The following KCNG3 variants were observed in gnomAD, a reference collection of about 807,000 sequenced individuals.
KCNG3 encodes the protein potassium voltage-gated channel modifier subfamily G member 3, also known as voltage-gated potassium channel regulatory subunit KCNG3.
KCNG3 carries 15 observed loss-of-function variants against 29.0 expected under a neutral mutation model. The observed-to-expected ratio is 0.52, with a 90% CI of 0.35 to 0.80. KCNG3 has a LOEUF of 0.80. KCNG3 is among the 30% of genes least tolerant of loss of function. The probability of loss-of-function intolerance (pLI) is 0.01; values close to 1 mark genes in which losing one functional copy is unlikely to be tolerated. For synonymous variants in KCNG3, 322 were observed against 248.9 expected (o/e 1.29, Z -2.76); for missense variants, 512 against 605.7 (o/e 0.85, Z 1.62).
At chr2:42,455,424 A>ATTAAAAT (rs1173980284) in intron 1 of KCNG3, among the ~76,000 whole-genome samples, 2 of 152,250 alleles carry the variant, frequency 1.3e-5, no homozygotes, top group African/African-American at 4.8e-5. Context: ...ACAGAACCTG[A>ATTAAAAT]TTAAAATTTA....
intron 1 of KCNG3, among the ~76,000 whole-genome samples, chr2:42,445,060 C>T (rs551409430): frequency 4.8e-4 from 63 of 131,908 alleles, no homozygotes; most frequent in African/African-American, 1.7e-3. Context: ...GAAAGAGACC[C>T]TGTCTCAAAA....
At chr2:42,410,983 G>T in the KCNG3 span, among the ~76,000 whole-genome samples, 1 of 152,022 alleles carries the variant, frequency 6.6e-6, no homozygotes. Flanking sequence ...TATGCTTTGC[G>T]GGTGCCAATT....
At chr2:42,477,676 C>T (rs187345254) in intron 1 of KCNG3, among the ~76,000 whole-genome samples, 14 of 151,732 alleles carry the variant, frequency 9.2e-5, no homozygotes, top group Admixed American at 5.3e-4. Context: ...GTCAGGAGTT[C>T]GAGACTAGCC....
intron 1 of KCNG3, among the ~76,000 whole-genome samples, chr2:42,484,854 G>C (rs1408785255): frequency 2.6e-5 from 4 of 152,178 alleles, no homozygotes; most frequent in Admixed American, 2.6e-4. Context: ...AAAAGAAACA[G>C]TCTACTGTGA....
the KCNG3 span, among the ~76,000 whole-genome samples, chr2:42,418,340 A>G: frequency 6.6e-6 from 1 of 152,160 alleles, no homozygotes; most frequent in African/African-American, 2.4e-5. Context: ...TTATCCATTC[A>G]TCTGTTTATG....
the KCNG3 span, among the ~76,000 whole-genome samples, chr2:42,420,725 G>A: frequency 1.3e-5 from 2 of 152,134 alleles, no homozygotes; most frequent in African/African-American, 4.8e-5. Context: ...AGGAGGCGGA[G>A]GTTGCAGTGA....
the KCNG3 span, among the ~76,000 whole-genome samples, chr2:42,419,799 C>A: frequency 6.6e-6 from 1 of 152,334 alleles, no homozygotes; most frequent in South Asian, 2.1e-4. Flanking sequence ...AATGAGGAGA[C>A]AACAGGTCAT....
chr2:42,472,323 C>T (rs1673310097), intron 1 of KCNG3, among the ~76,000 whole-genome samples: 1 of 152,156 alleles, frequency 6.6e-6, no homozygotes, highest in South Asian at 2.1e-4. Flanking sequence ...CTCTGGACTC[C>T]ATTGATTATA....
At chr2:42,469,941 A>C in intron 1 of KCNG3, 1 of 348,084 alleles carries the variant, frequency 2.9e-6, no homozygotes, top group Non-Finnish European at 5.3e-6. Context: ...CTGGCCAACA[A>C]GGCCTGACTC....
At chr2:42,426,645 CATATT>C in the KCNG3 span, among the ~76,000 whole-genome samples, 1 of 152,186 alleles carries the variant, frequency 6.6e-6, no homozygotes, top group Non-Finnish European at 1.5e-5. Flanking sequence ...ACAACACACA[CATATT>C]ATTTTTTTCC....
chr2:42,482,481 TTGGGAGGCCAAGG>T (rs1389525064), intron 1 of KCNG3, among the ~76,000 whole-genome samples: 1 of 152,082 alleles, frequency 6.6e-6, no homozygotes, highest in Non-Finnish European at 1.5e-5. Context: ...TCCCAGCACT[TTGGGAGGCCAAGG>T]TGGGTGGATC....
At chr2:42,492,180 A>G (rs1673895961) in intron 1 of KCNG3, among the ~76,000 whole-genome samples, 1 of 152,204 alleles carries the variant, frequency 6.6e-6, no homozygotes, top group Non-Finnish European at 1.5e-5. Context: ...CCCTTCCCAT[A>G]TCATAGACCC....
the KCNG3 span, among the ~76,000 whole-genome samples, chr2:42,435,671 G>C: frequency 4.1e-4 from 63 of 152,288 alleles, no homozygotes; most frequent in African/African-American, 1.5e-3. Flanking sequence ...TTAGGGAAAT[G>C]CAAGTCATAA....
Position 42,465,687 on chromosome 2 carries a change from T to C in KCNG3, c.666-21108A>G, listed in dbSNP as rs1673125110. Among the ~76,000 whole-genome samples, 6 of 152,220 alleles carry C rather than the reference T, an allele frequency of 3.9e-5. No individual in the cohort carries two copies. In the South Asian group the frequency reaches 8.3e-4, roughly 21 times the overall value. Reference sequence around the variant, plus strand: ...TAAAAGACACCACTAAGAAAATAAATTGGCAAACCAAAAAACTAGAGGAAA... The same window carrying C: ...TAAAAGACACCACTAAGAAAATAAACTGGCAAACCAAAAAACTAGAGGAAA... On this transcript the variant is annotated intron_variant, in intron 1 of 1. Coordinates refer to ENST00000306078, the MANE Select transcript of KCNG3 (RefSeq NM_133329.6).
chr2:42,479,832 G>GA (rs1228313248), intron 1 of KCNG3, among the ~76,000 whole-genome samples: 6 of 152,082 alleles, frequency 3.9e-5, no homozygotes, highest in Non-Finnish European at 7.4e-5. Flanking sequence ...GCAACATGGT[G>GA]AAACCCTGTC....
At position 42,444,034 on chromosome 2, in the gene KCNG3, G is replaced by C; in HGVS notation, c.1211C>G (p.Pro404Arg). The change falls in exon 2 of 2, where the codon CCT becomes CGT. Residue 404 changes from proline (P) to arginine (R), a missense_variant. This residue lies in a region of KCNG3 where 173 missense variants were observed against 262.4 expected (regional missense o/e 0.66). Transcript: ENST00000306078. This position sits in a 1 kb window ranked among gnomAD's most constrained non-coding sequence, Gnocchi z 5.8. ...AAAGCTATGGTAGATAAAAGTGATA[G>C]GTAATGCCAATAGAACAATTCCACT... ...VVSGIVLLAL[P>R]ITFIYHSFVQ... 1 of 1,614,154 alleles carries C rather than the reference G, an allele frequency of 6.2e-7. No homozygotes were observed. The highest frequency in any genetic ancestry group is 8.5e-7 in the Non-Finnish European group (1 of 1,180,014).
chr2:42,433,562 A>C, the KCNG3 span, among the ~76,000 whole-genome samples: 6 of 152,172 alleles, frequency 3.9e-5, no homozygotes, highest in African/African-American at 1.4e-4. Flanking sequence ...AAAATGGTGA[A>C]ATCCCGTCTC....
chr2:42,450,838 C>A (rs898888673), intron 1 of KCNG3, among the ~76,000 whole-genome samples: 1 of 152,116 alleles, frequency 6.6e-6, no homozygotes, highest in African/African-American at 2.4e-5. Context: ...GTAATGAAAC[C>A]CAGATCTACA....
At chr2:42,389,333 A>C in the KCNG3 span, among the ~76,000 whole-genome samples, 35 of 152,312 alleles carry the variant, frequency 2.3e-4, no homozygotes, top group East Asian at 6.2e-3. Flanking sequence ...ATTCTTTGGC[A>C]TGGCTATACT....
Sources: gnomAD v4.1 joint callset for allele counts (sites outside exome capture counted in the v4.1 genomes callset) on GRCh38, gnomAD v4.1.1 for gene constraint, gnomAD v4.1.1 regional missense constraint, Gnocchi (gnomAD v3.1) non-coding constraint, MANE v1.5 for transcripts, NCBI Gene and HGNC (gene_info 2026-07-23, HGNC 2026-07-21) for gene names.